Variants in TNR observed in about 807,000 individuals in gnomAD.
TNR encodes tenascin-R.
Under a neutral mutation model 150.4 loss-of-function variants are expected in TNR, and 45 were observed. The ratio of observed to expected loss-of-function variants is 0.30; its 90% CI spans 0.24 to 0.38. The LOEUF (loss-of-function observed/expected upper bound fraction) is 0.38. Among genes scored for constraint, TNR ranks in the 10% least tolerant of loss-of-function variants. The pLI, the probability that TNR is intolerant of heterozygous loss-of-function variation, is 1.00. For synonymous variants in TNR, 687 were observed against 678.4 expected, an observed-to-expected ratio of 1.01 and a Z score of -0.20; for missense variants, 1,544 against 1,759.1, an observed-to-expected ratio of 0.88 and a Z score of 2.19.
At position 175,322,077 on chromosome 1, in the gene TNR, G is replaced by C. The variant is rs961715005; in HGVS notation, c.*1280C>G. On this transcript the variant is annotated 3_prime_UTR_variant, in exon 23 of 23. Transcript: ENST00000367674. The stretch of plus-strand genomic sequence containing the variant: ...ACCAGAAATGGAGAAAACAGGGCTA[G>C]GGAAGATCTGTGTTTCCCATGGAAA... 26 of 152,228 alleles carry C rather than the reference G, an allele frequency of 1.7e-4. No individual in the cohort carries two copies. Among genetic ancestry groups the C allele is most frequent in the African/African-American group, 6.3e-4 (26 of 41,458 alleles). The allele number at this position is 152,228 out of a possible 1,614,324, so 9.4% of individuals were successfully genotyped here.
intron 1 of TNR, among the ~76,000 whole-genome samples, chr1:175,709,558 T>A (rs1225802754): frequency 6.6e-6 from 1 of 152,120 alleles, no homozygotes; most frequent in Non-Finnish European, 1.5e-5. Context: ...CCAACAAGAG[T>A]TAAAACAGAA....
At chr1:175,547,564 GGAAAGAAAGAAA>G (rs61602065) in intron 1 of TNR, among the ~76,000 whole-genome samples, 5,023 of 131,014 alleles carry the variant, frequency 0.038, 144 homozygotes, top group African/African-American at 0.088. Context: ...AAAGATAGAA[GGAAAGAAAGAAA>G]GAAAGAAAGA....
intron 1 of TNR, among the ~76,000 whole-genome samples, chr1:175,705,713 G>C (rs28367298): frequency 0.062 from 9,483 of 152,134 alleles, 955 homozygotes; most frequent in African/African-American, 0.21. Context: ...CTTGATTTCA[G>C]CAAGACTTTT....
intron 20 of TNR, among the ~76,000 whole-genome samples, chr1:175,331,051 T>TTCTTTCTTTCTTTCTTTCTGTCTG (rs1649786156): frequency 9.4e-6 from 1 of 106,702 alleles, no homozygotes; most frequent in African/African-American, 3.6e-5. Flanking sequence ...CTTTCTTTCT[T>TTCTTTCTTTCTTTCTTTCTGTCTG]TCTTTCTTTC....
intron 1 of TNR, among the ~76,000 whole-genome samples, chr1:175,720,233 A>G (rs978083621): frequency 6.6e-5 from 10 of 152,126 alleles, no homozygotes; most frequent in Non-Finnish European, 1.0e-4. Context: ...AGCAGGAGAG[A>G]CCAGAGCTCA....
chr1:175,696,867 G>A (rs1490084134), intron 1 of TNR, among the ~76,000 whole-genome samples: 16 of 123,512 alleles, frequency 1.3e-4, no homozygotes, highest in South Asian at 2.8e-4. Flanking sequence ...CAACAAGAGC[G>A]AAACTCCATC....
chr1:175,521,067 G>T (rs1659617310), intron 2 of TNR, among the ~76,000 whole-genome samples: 1 of 152,140 alleles, frequency 6.6e-6, no homozygotes, highest in Non-Finnish European at 1.5e-5. Context: ...GTTAGTTTGT[G>T]TCCTTTTCTT....
intron 2 of TNR, among the ~76,000 whole-genome samples, chr1:175,423,879 C>G (rs1473335958): frequency 6.6e-6 from 1 of 152,158 alleles, no homozygotes; most frequent in African/African-American, 2.4e-5. Context: ...TCAACAGAAC[C>G]AGGTATGAAT....
chr1:175,522,005 T>C (rs1429958614), intron 2 of TNR, among the ~76,000 whole-genome samples: 1 of 152,240 alleles, frequency 6.6e-6, no homozygotes. Flanking sequence ...TGCATACTTT[T>C]ATATTTGACA....
intron 1 of TNR, among the ~76,000 whole-genome samples, chr1:175,625,369 CTGGTAAAGGGGGA>C (rs1664118578): frequency 2.0e-5 from 3 of 152,244 alleles, no homozygotes; most frequent in Non-Finnish European, 4.4e-5. Flanking sequence ...TATGTAATGG[CTGGTAAAGGGGGA>C]CACAGGAGTG....
chr1:175,330,186 G>C lies in TNR; in HGVS notation c.3681C>G (p.Arg1227=). Residue 1227 remains arginine, a synonymous_variant, in exon 21 of 23, where the codon CGC becomes CGG. Coordinates refer to ENST00000367674, the MANE Select transcript of TNR (RefSeq NM_003285.3). ...RITSQGRYEL[R]VDMRDGQEAA... is the part of the protein sequence containing the mutation. The stretch of plus-strand genomic sequence containing the variant: ...CCTCTTGGCCATCCCGCATGTCCAC[G>C]CGCAGCTCATAGCGGCCCTGGGATG... 1 of 1,612,902 alleles carries C rather than the reference G, an allele frequency of 6.2e-7. No individual in the cohort carries two copies. Among genetic ancestry groups the C allele is most frequent in the Non-Finnish European group, 8.5e-7 (1 of 1,179,032 alleles).
intron 2 of TNR, among the ~76,000 whole-genome samples, chr1:175,494,045 C>T (rs747668234): frequency 6.6e-6 from 1 of 152,170 alleles, no homozygotes; most frequent in Non-Finnish European, 1.5e-5. Context: ...GCCTCTGACT[C>T]TATCCTGCAT....
chr1:175,523,457 A>G (rs1367876534), intron 2 of TNR, among the ~76,000 whole-genome samples: 1 of 152,222 alleles, frequency 6.6e-6, no homozygotes, highest in Non-Finnish European at 1.5e-5. Flanking sequence ...ATTTGAGGAA[A>G]GGGAGACAAA....
chr1:175,671,729 T>C (rs1191028738), intron 1 of TNR, among the ~76,000 whole-genome samples: 2 of 152,228 alleles, frequency 1.3e-5, no homozygotes, highest in Admixed American at 1.3e-4. Flanking sequence ...TATTTTTATT[T>C]GCTAAATCTA....
At chr1:175,676,070 T>G (rs950994062) in intron 1 of TNR, among the ~76,000 whole-genome samples, 2 of 152,318 alleles carry the variant, frequency 1.3e-5, no homozygotes, top group Middle Eastern at 3.4e-3. Context: ...TTCTCTGTGT[T>G]GCAGCACAGT....
At chr1:175,663,242 C>A (rs921719311) in intron 1 of TNR, among the ~76,000 whole-genome samples, 3 of 152,190 alleles carry the variant, frequency 2.0e-5, no homozygotes, top group Non-Finnish European at 4.4e-5. Flanking sequence ...GGACACTGCC[C>A]TCTCTTTTTC....
intron 1 of TNR, among the ~76,000 whole-genome samples, chr1:175,723,136 G>A (rs545838509): frequency 6.6e-6 from 1 of 152,158 alleles, no homozygotes; most frequent in Admixed American, 6.5e-5. Flanking sequence ...TTACATGATT[G>A]GATAGATAAA....
intron 1 of TNR, among the ~76,000 whole-genome samples, chr1:175,627,640 G>A (rs1664194689): frequency 6.6e-6 from 1 of 152,032 alleles, no homozygotes; most frequent in Non-Finnish European, 1.5e-5. Context: ...AACTTGATAG[G>A]CCATCAATAA....
chr1:175,466,722 A>G (rs925658957), intron 2 of TNR, among the ~76,000 whole-genome samples: 2 of 152,232 alleles, frequency 1.3e-5, no homozygotes, highest in African/African-American at 4.8e-5. Context: ...GCATTGTCTG[A>G]TGCTGTGGAG....
Sources: allele counts gnomAD v4.1 joint callset (sites outside exome capture counted in the v4.1 genomes callset), GRCh38; gene constraint gnomAD v4.1.1; transcripts MANE v1.5; gene names NCBI Gene and HGNC (gene_info 2026-07-23, HGNC 2026-07-21).